The following CNTLN variants were observed in gnomAD, a reference collection of about 807,000 sequenced individuals.
CNTLN encodes the protein centlein, also known as centlein, centrosomal protein.
CNTLN carries 212 observed loss-of-function variants against 180.0 expected under a neutral mutation model. That is an observed-to-expected ratio of 1.18 (90% CI 1.05 to 1.32). The LOEUF is 1.32. CNTLN is among the 40% of genes most tolerant of loss of function. The pLI is 0.00. For synonymous variants in CNTLN, 722 were observed against 563.1 expected (o/e 1.28, Z -3.99); for missense variants, 2,095 against 1,610.9 (o/e 1.30, Z -5.14).
intron 12 of CNTLN, among the ~76,000 whole-genome samples, chr9:17,347,060 T>G (rs1821955959): frequency 6.6e-6 from 1 of 152,184 alleles, no homozygotes. Flanking sequence ...AAATTTCCAT[T>G]GGGTTCTTCT....
chr9:17,502,742 C>T lies in CNTLN; in HGVS notation c.*90C>T, dbSNP rs373283216. ...CATTGCAATCCTGACACGGTATCTG[C>T]TCCAACTATCAATAGTCAGGTTCAA... On this transcript the variant is annotated 3_prime_UTR_variant, in exon 26 of 26. Transcript: ENST00000380647. The T allele has an allele frequency of 6.7e-5, 32 of 478,534 alleles. No homozygotes were observed. In the Middle Eastern group the frequency reaches 9.0e-4, roughly 14 times the overall value. 29.6% of individuals were successfully genotyped at this position (478,534 alleles called of 1,614,324 possible). A position where few individuals can be genotyped will look rare whatever the true frequency, so the allele number is the denominator to read the frequency against.
chr9:17,330,305 A>G (rs767921627), intron 8 of CNTLN, among the ~76,000 whole-genome samples: 11 of 152,064 alleles, frequency 7.2e-5, no homozygotes, highest in South Asian at 2.1e-4. Flanking sequence ...GAGGCAATAC[A>G]TATGTGTATA....
At chr9:17,141,242 A>G (rs573047964) in intron 1 of CNTLN, among the ~76,000 whole-genome samples, 14 of 152,318 alleles carry the variant, frequency 9.2e-5, no homozygotes, top group Non-Finnish European at 1.6e-4. Flanking sequence ...ACACAAGTAA[A>G]ACCAAATCAC....
intron 25 of CNTLN, among the ~76,000 whole-genome samples, chr9:17,488,988 C>T (rs1239752339): frequency 6.6e-6 from 1 of 151,970 alleles, no homozygotes; most frequent in African/African-American, 2.4e-5. Flanking sequence ...TTTAAAAAGT[C>T]AAAGACTTTT....
downstream of CNTLN, among the ~76,000 whole-genome samples, chr9:17,508,871 A>T (rs142387879): frequency 3.5e-3 from 533 of 152,366 alleles, 1 homozygote; most frequent in African/African-American, 0.012. Flanking sequence ...CTAGGAAAGA[A>T]TATGATTGAA....
intron 8 of CNTLN, among the ~76,000 whole-genome samples, chr9:17,320,491 C>G (rs966667360): frequency 9.7e-6 from 1 of 103,190 alleles, no homozygotes; most frequent in Admixed American, 1.0e-4. Flanking sequence ...ATTCCAATGC[C>G]TTTTGTTTGT....
At chr9:17,388,109 C>G in intron 13 of CNTLN, 53 bp from the exon 14 acceptor site, 4 of 1,108,876 alleles carry the variant, frequency 3.6e-6, no homozygotes, top group South Asian at 1.7e-5. Flanking sequence ...AATGACAGGA[C>G]AGTATTTCAG....
intron 5 of CNTLN, among the ~76,000 whole-genome samples, chr9:17,249,674 C>A (rs566756821): frequency 6.6e-6 from 1 of 151,974 alleles, no homozygotes; most frequent in East Asian, 1.9e-4. Context: ...TTTCCACATA[C>A]TTGTGTATTT....
chr9:17,323,185 G>A (rs925187251), intron 8 of CNTLN, among the ~76,000 whole-genome samples: 2 of 152,022 alleles, frequency 1.3e-5, no homozygotes, highest in African/African-American at 4.8e-5. Context: ...TCCATGTGAT[G>A]GGCTTTTATC....
intron 2 of CNTLN, chr9:17,166,799 T>A (rs922077239): frequency 5.4e-6 from 2 of 368,920 alleles, no homozygotes; most frequent in Non-Finnish European, 1.1e-5. Context: ...GTCTCACATC[T>A]CCCATTACAT....
At chr9:17,203,497 A>T (rs1822695186) in intron 2 of CNTLN, among the ~76,000 whole-genome samples, 1 of 152,162 alleles carries the variant, frequency 6.6e-6, no homozygotes. Context: ...CTTGTCACAT[A>T]GTGCCCTAAT....
intron 25 of CNTLN, among the ~76,000 whole-genome samples, chr9:17,490,873 T>A: frequency 6.6e-6 from 1 of 152,256 alleles, no homozygotes; most frequent in Middle Eastern, 3.4e-3. Flanking sequence ...TTTCTTTAAA[T>A]GCAATTGAAC....
intron 2 of CNTLN, among the ~76,000 whole-genome samples, chr9:17,144,841 ATT>A (rs999968669): frequency 6.8e-6 from 1 of 146,558 alleles, no homozygotes; most frequent in African/African-American, 2.5e-5. Flanking sequence ...TTTTTATTTT[ATT>A]TTTTTTTTTG....
chr9:17,526,387 A>T, the CNTLN span, among the ~76,000 whole-genome samples: 1 of 152,348 alleles, frequency 6.6e-6, no homozygotes, highest in African/African-American at 2.4e-5. Context: ...TGTCTACCAG[A>T]CTTAGTACAA....
intron 3 of CNTLN, among the ~76,000 whole-genome samples, chr9:17,228,392 T>C (rs753003027): frequency 1.3e-5 from 2 of 152,080 alleles, no homozygotes; most frequent in Non-Finnish European, 2.9e-5. Context: ...CCCAAATTTC[T>C]TAGGATTAAT....
At chr9:17,468,794 A>G (rs532203507) in intron 23 of CNTLN, among the ~76,000 whole-genome samples, 4 of 151,814 alleles carry the variant, frequency 2.6e-5, no homozygotes, top group African/African-American at 7.2e-5. Flanking sequence ...TTTATATCCA[A>G]TGATATAAAT....
chr9:17,389,990 A>G (rs1256111227), intron 14 of CNTLN, among the ~76,000 whole-genome samples: 1 of 152,138 alleles, frequency 6.6e-6, no homozygotes, highest in Non-Finnish European at 1.5e-5. Context: ...ATACAGAGGG[A>G]AGTCCATGTG....
At chr9:17,367,221 T>C (rs890766847) in intron 13 of CNTLN, among the ~76,000 whole-genome samples, 3 of 152,194 alleles carry the variant, frequency 2.0e-5, no homozygotes, top group Non-Finnish European at 4.4e-5. Context: ...GGACTTTGCA[T>C]TGAACTCGGT....
At chr9:17,354,844 C>T (rs1309105024) in intron 12 of CNTLN, among the ~76,000 whole-genome samples, 1 of 152,196 alleles carries the variant, frequency 6.6e-6, no homozygotes, top group African/African-American at 2.4e-5. Flanking sequence ...TGCTATTGCT[C>T]ACTCTTTGGG....
Sources: allele counts gnomAD v4.1 joint callset (sites outside exome capture counted in the v4.1 genomes callset), GRCh38; gene constraint gnomAD v4.1.1; transcripts MANE v1.5; gene names NCBI Gene and HGNC (gene_info 2026-07-23, HGNC 2026-07-21).